Variants in CHKA observed in about 807,000 individuals in gnomAD.
CHKA encodes the protein CHETK-alpha.
Under a neutral mutation model 60.1 loss-of-function variants are expected in CHKA, and 34 were observed. The ratio of observed to expected loss-of-function variants is 0.57; its 90% CI spans 0.43 to 0.75. CHKA has a LOEUF of 0.75. Among genes scored for constraint, CHKA ranks in the 30% least tolerant of loss-of-function variants. CHKA has a pLI of 0.00. For synonymous variants in CHKA, 217 were observed against 223.1 expected, an observed-to-expected ratio of 0.97 and a Z score of 0.24; for missense variants, 563 against 561.3, an observed-to-expected ratio of 1.00 and a Z score of -0.03.
intron 1 of CHKA, among the ~76,000 whole-genome samples, chr11:68,109,022 GGA>G (rs982177766): frequency 4.0e-4 from 41 of 103,184 alleles, no homozygotes; most frequent in Non-Finnish European, 7.8e-4. Flanking sequence ...ACTGAGGGGG[GGA>G]AAAAATCCCT....
chr11:68,108,522 A>T (rs898147416), intron 1 of CHKA, among the ~76,000 whole-genome samples: 1 of 152,234 alleles, frequency 6.6e-6, no homozygotes, highest in Non-Finnish European at 1.5e-5. Context: ...AGGCGGGAGG[A>T]TCACGAGGTC....
At chr11:68,077,030 G>T (rs957468320) in intron 3 of CHKA, among the ~76,000 whole-genome samples, 68 of 152,260 alleles carry the variant, frequency 4.5e-4, no homozygotes, top group African/African-American at 1.6e-3. Context: ...CTGAGGTCAG[G>T]AGTTTGAGAC....
intron 11 of CHKA, among the ~76,000 whole-genome samples, chr11:68,060,049 C>T (rs1856170657): frequency 1.8e-5 from 1 of 56,632 alleles, no homozygotes; most frequent in African/African-American, 8.4e-5. Flanking sequence ...TTTTGAGACC[C>T]AGAGTCTCGC....
At chr11:68,114,161 T>C (rs1396854004) in intron 1 of CHKA, among the ~76,000 whole-genome samples, 1 of 152,198 alleles carries the variant, frequency 6.6e-6, no homozygotes, top group Non-Finnish European at 1.5e-5. Flanking sequence ...GAAGACAGTT[T>C]GGCAGTTCCT....
Position 68,120,876 on chromosome 11 carries a change from C to T in CHKA, c.302G>A (p.Gly101Asp). 7.4e-7 allele frequency: 1 copy of T among 1,358,588 alleles called. No individual in the cohort carries two copies. Among genetic ancestry groups the T allele is most frequent in the Non-Finnish European group, 9.6e-7 (1 of 1,041,768 alleles). The allele number at this position is 1,358,588 out of a possible 1,614,324, so 84.2% of individuals were successfully genotyped here. A position where few individuals can be genotyped will look rare whatever the true frequency, so the allele number is the denominator to read the frequency against. Reference protein sequence around the residue: ...AYLWCKEFLPGAWRGLREDEF... With the variant: ...AYLWCKEFLPDAWRGLREDEF... ...GTCCTCGCGGAGGCCCCGCCAGGCG[C>T]CGGGCAGGAACTCCTTGCACCACAG... Residue 101 changes from glycine (G) to aspartate (D), a missense_variant, in exon 1 of 12, where the codon GGC (glycine) becomes GAC (aspartate). Transcript: ENST00000265689.
chr11:68,112,908 C>A (rs1858216702), intron 1 of CHKA, among the ~76,000 whole-genome samples: 1 of 151,398 alleles, frequency 6.6e-6, no homozygotes, highest in South Asian at 2.1e-4. Flanking sequence ...CAGTGAAACC[C>A]CATCTCTACT....
chr11:68,120,326 T>A (rs185221601), intron 1 of CHKA, among the ~76,000 whole-genome samples: 186 of 152,252 alleles, frequency 1.2e-3, no homozygotes, highest in Admixed American at 1.8e-3. Context: ...TAGTGATGTC[T>A]CTTAGGGGAT....
chr11:68,115,737 G>C (rs1235893060), intron 1 of CHKA, among the ~76,000 whole-genome samples: 4 of 151,998 alleles, frequency 2.6e-5, no homozygotes, highest in Admixed American at 2.0e-4. Context: ...AAGGAAGAAA[G>C]AAAAAGAAAG....
At chr11:68,076,691 G>A (rs1856801348) in intron 3 of CHKA, among the ~76,000 whole-genome samples, 1 of 152,096 alleles carries the variant, frequency 6.6e-6, no homozygotes, top group Non-Finnish European at 1.5e-5. Context: ...AGGATTCTCG[G>A]AGGTGACTTT....
intron 1 of CHKA, among the ~76,000 whole-genome samples, chr11:68,117,271 G>C (rs752652154): frequency 4.6e-5 from 7 of 152,128 alleles, no homozygotes; most frequent in African/African-American, 1.7e-4. Flanking sequence ...GAAAGGCCTG[G>C]AAACTGAAAA....
intron 1 of CHKA, among the ~76,000 whole-genome samples, chr11:68,120,562 G>A (rs946567973): frequency 2.6e-5 from 4 of 152,250 alleles, no homozygotes; most frequent in Non-Finnish European, 2.9e-5. Context: ...TCCTAGAACA[G>A]ACCCGTTTTC....
At chr11:68,085,887 C>T (rs950587938) in intron 2 of CHKA, among the ~76,000 whole-genome samples, 3 of 152,036 alleles carry the variant, frequency 2.0e-5, no homozygotes, top group East Asian at 1.9e-4. Flanking sequence ...CCTCAGCCTC[C>T]GGAATAGTTG....
At chr11:68,073,211 A>AT (rs916581753) in intron 4 of CHKA, among the ~76,000 whole-genome samples, 1 of 152,086 alleles carries the variant, frequency 6.6e-6, no homozygotes, top group Non-Finnish European at 1.5e-5. Context: ...TTCTTAAACA[A>AT]TTTTTAAAAT....
intron 11 of CHKA, among the ~76,000 whole-genome samples, chr11:68,059,992 T>C (rs1364236314): frequency 1.3e-5 from 2 of 151,884 alleles, no homozygotes; most frequent in Admixed American, 6.6e-5. Context: ...CCCATGTTTT[T>C]TGTTTTGTTT....
chr11:68,064,636 A>G lies in CHKA; in HGVS notation c.1126-5T>C, dbSNP rs963459190. ...GTAACTGGAAATAAAATGGAGCTTA[A>G]AAAAAAGTAATTGTGTTAGGATCAA... is the stretch of plus-strand genomic sequence containing the variant. On this transcript the variant is annotated splice_polypyrimidine_tract_variant and splice_region_variant and intron_variant, in intron 9 of 11. Coordinates refer to ENST00000265689, the MANE Select transcript of CHKA (RefSeq NM_001277.3). The G allele has an allele frequency of 1.3e-6, 2 of 1,534,222 alleles. No individual in the cohort carries two copies. Among genetic ancestry groups the G allele is most frequent in the East Asian group, 4.6e-5 (2 of 43,830 alleles).
In CHKA at chr11:68,120,980, CGGCAGCGGCAGCGGCGGCGGAGGG is replaced by C. The variant is rs944629248; in HGVS notation, c.174_197del (p.Pro59_Pro66del). The C allele has an allele frequency of 9.0e-6, 10 of 1,112,130 alleles. No individual in the cohort carries two copies. In the East Asian group the frequency reaches 4.6e-4, roughly 51 times the overall value. 68.9% of individuals were successfully genotyped at this position (1,112,130 alleles called of 1,614,324 possible). A position where few individuals can be genotyped will look rare whatever the true frequency, so the allele number is the denominator to read the frequency against. On this transcript the variant is annotated inframe_deletion, in exon 1 of 12. Coordinates refer to ENST00000265689, the MANE Select transcript of CHKA (RefSeq NM_001277.3). The stretch of plus-strand genomic sequence containing the variant: ...GCGGCGGGGGCTGGGGCAGCGGCAG[CGGCAGCGGCAGCGGCGGCGGAGGG>C]GGCAGCGCGAGCGGCGGCTGTTGGC...
At chr11:68,065,502 C>T (rs1343395069) in intron 9 of CHKA, among the ~76,000 whole-genome samples, 3 of 152,100 alleles carry the variant, frequency 2.0e-5, no homozygotes, top group Non-Finnish European at 2.9e-5. Flanking sequence ...GAGTTTGAGA[C>T]CAGCCTGGGC....
intron 1 of CHKA, among the ~76,000 whole-genome samples, chr11:68,111,284 C>T (rs1323701305): frequency 8.6e-5 from 13 of 151,916 alleles, no homozygotes; most frequent in African/African-American, 2.4e-4. Flanking sequence ...TGGTGGTGGG[C>T]GCCTGTAACC....
intron 3 of CHKA, 125 bp from the exon 4 acceptor site, chr11:68,074,955 TATC>T (rs1265329786): frequency 3.9e-6 from 3 of 770,292 alleles, no homozygotes; most frequent in Non-Finnish European, 4.4e-6. Flanking sequence ...GCACTACTGT[TATC>T]ATCATCCCCA....
Sources: gnomAD v4.1 joint callset for allele counts (sites outside exome capture counted in the v4.1 genomes callset) on GRCh38, gnomAD v4.1.1 for gene constraint, MANE v1.5 for transcripts, NCBI Gene and HGNC (gene_info 2026-07-23, HGNC 2026-07-21) for gene names.